The following PDE4B variants were observed in gnomAD, a reference collection of about 807,000 sequenced individuals.
PDE4B encodes the protein 3',5'-cyclic-AMP phosphodiesterase 4B.
In PDE4B, 20 loss-of-function variants were observed where a neutral mutation model predicts 82.2. The observed-to-expected ratio is 0.24, with a 90% CI of 0.17 to 0.35. The LOEUF (loss-of-function observed/expected upper bound fraction) is 0.35. Among genes scored for constraint, PDE4B ranks in the 10% least tolerant of loss-of-function variants. PDE4B has a pLI of 1.00. For missense variants in PDE4B, 655 were observed against 907.2 expected (o/e 0.72, Z 3.57); for synonymous variants, 320 against 318.9 (o/e 1.00, Z -0.04).
At chr1:65,863,259 T>C (rs977140129) in intron 1 of PDE4B, among the ~76,000 whole-genome samples, 1 of 152,256 alleles carries the variant, frequency 6.6e-6, no homozygotes, top group African/African-American at 2.4e-5. Context: ...TTTCATTATC[T>C]ACCCAGTTGT....
intron 3 of PDE4B, among the ~76,000 whole-genome samples, chr1:65,978,317 T>C (rs1324657606): frequency 6.6e-6 from 1 of 152,222 alleles, no homozygotes; most frequent in East Asian, 1.9e-4. Flanking sequence ...TATGAGACAC[T>C]GCTCCTGGGT....
At chr1:65,942,001 C>A (rs1352017969) in intron 3 of PDE4B, among the ~76,000 whole-genome samples, 10 of 152,098 alleles carry the variant, frequency 6.6e-5, no homozygotes. Flanking sequence ...ACCCAAAACA[C>A]TATTTTTCAA....
At chr1:65,861,421 AC>A (rs1264711703) in intron 1 of PDE4B, among the ~76,000 whole-genome samples, 2 of 152,142 alleles carry the variant, frequency 1.3e-5, no homozygotes, top group African/African-American at 4.8e-5. Context: ...CTGTTTTGGT[AC>A]CAGTACCATG....
rs1279112274 is a variant in PDE4B, at chr1:66,131,688, A to G, written c.282-115772A>G. Among the ~76,000 whole-genome samples the G allele has an allele frequency of 2.2e-5, 3 of 137,800 alleles. No homozygotes were observed. In the South Asian group the frequency reaches 7.2e-4, roughly 33 times the overall value. The allele number at this position is 137,800 out of a possible 152,430, so 90.4% of individuals were successfully genotyped here. On this transcript the variant is annotated intron_variant, in intron 3 of 16. Transcript: ENST00000341517. ...TTTAACATTTTGAACTCTTTTAGTA[A>G]TAACACATTAATTCAATCAACAATA...
intron 1 of PDE4B, among the ~76,000 whole-genome samples, chr1:65,873,426 G>C (rs1372238486): frequency 6.6e-6 from 1 of 152,150 alleles, no homozygotes; most frequent in East Asian, 1.9e-4. Flanking sequence ...GTATCAGAAT[G>C]ATCACCAGAA....
At chr1:65,842,339 G>A (rs535993305) in intron 1 of PDE4B, among the ~76,000 whole-genome samples, 1 of 152,214 alleles carries the variant, frequency 6.6e-6, no homozygotes, top group African/African-American at 2.4e-5. Flanking sequence ...ATATGAAAGA[G>A]TTGCATGGGA....
chr1:66,002,155 G>GT (rs1043299196), intron 3 of PDE4B, among the ~76,000 whole-genome samples: 8 of 151,984 alleles, frequency 5.3e-5, no homozygotes, highest in South Asian at 2.1e-4. Context: ...GTATTGTCAA[G>GT]TTTTTTTTAA....
At chr1:65,826,578 G>T (rs554211669) in intron 1 of PDE4B, among the ~76,000 whole-genome samples, 2 of 152,232 alleles carry the variant, frequency 1.3e-5, no homozygotes, top group African/African-American at 4.8e-5. Flanking sequence ...GCCACTCTGA[G>T]ATTGCCCACA....
chr1:65,822,285 C>T (rs1012827474), intron 1 of PDE4B, among the ~76,000 whole-genome samples: 4 of 152,140 alleles, frequency 2.6e-5, no homozygotes, highest in African/African-American at 4.8e-5. Flanking sequence ...TCTTCTCTCC[C>T]GTGAATGGAT....
chr1:66,209,382 G>T (rs1172757896), intron 3 of PDE4B, among the ~76,000 whole-genome samples: 1 of 152,084 alleles, frequency 6.6e-6, no homozygotes, highest in East Asian at 1.9e-4. Flanking sequence ...TTTTCCCAGG[G>T]TTACGTAGCT....
intron 1 of PDE4B, among the ~76,000 whole-genome samples, chr1:65,894,224 G>A (rs1646884400): frequency 6.6e-6 from 1 of 152,078 alleles, no homozygotes; most frequent in Admixed American, 6.6e-5. Context: ...CATAAGGATA[G>A]ACACTAAGAT....
At chr1:65,976,302 G>A (rs550709090) in intron 3 of PDE4B, among the ~76,000 whole-genome samples, 1 of 152,272 alleles carries the variant, frequency 6.6e-6, no homozygotes, top group East Asian at 1.9e-4. Context: ...AGCCCCTTTG[G>A]TTTGGCTGCT....
At chr1:66,117,297 G>A (rs985762067) in intron 3 of PDE4B, among the ~76,000 whole-genome samples, 1 of 151,740 alleles carries the variant, frequency 6.6e-6, no homozygotes, top group Non-Finnish European at 1.5e-5. Context: ...TTCTTAAATC[G>A]AATTCATGGG....
intron 3 of PDE4B, among the ~76,000 whole-genome samples, chr1:66,142,986 C>A (rs1646202744): frequency 6.6e-6 from 1 of 152,226 alleles, no homozygotes; most frequent in Admixed American, 6.5e-5. Flanking sequence ...CGCATCTGTG[C>A]TTCGCATCTG....
intron 3 of PDE4B, among the ~76,000 whole-genome samples, chr1:66,237,054 GA>G (rs1487986906): frequency 6.6e-6 from 1 of 152,084 alleles, no homozygotes; most frequent in Non-Finnish European, 1.5e-5. Flanking sequence ...ATACCTGTGA[GA>G]AAAAAATATA....
intron 3 of PDE4B, among the ~76,000 whole-genome samples, chr1:66,139,753 C>CA (rs1646134633): frequency 1.2e-5 from 1 of 80,334 alleles, no homozygotes; most frequent in Non-Finnish European, 2.5e-5. Context: ...AAAAAAAAAA[C>CA]AAAAAACAAC....
At chr1:66,221,229 C>T (rs1292279756) in intron 3 of PDE4B, among the ~76,000 whole-genome samples, 2 of 152,086 alleles carry the variant, frequency 1.3e-5, no homozygotes, top group African/African-American at 4.8e-5. Flanking sequence ...GAAATTCCAG[C>T]CATTTCTAGC....
intron 1 of PDE4B, among the ~76,000 whole-genome samples, chr1:65,843,361 A>G (rs1003722668): frequency 6.6e-6 from 1 of 152,086 alleles, no homozygotes; most frequent in Non-Finnish European, 1.5e-5. Context: ...GAGCCTGGAT[A>G]CTCCAATACC....
intron 1 of PDE4B, among the ~76,000 whole-genome samples, chr1:65,868,059 T>C (rs1168373634): frequency 6.6e-6 from 1 of 152,212 alleles, no homozygotes; most frequent in East Asian, 1.9e-4. Context: ...GTTCTTGCTA[T>C]CCTTTTCTTA....
Sources: allele counts gnomAD v4.1 joint callset (sites outside exome capture counted in the v4.1 genomes callset), GRCh38; gene constraint gnomAD v4.1.1; transcripts MANE v1.5; gene names NCBI Gene and HGNC (gene_info 2026-07-23, HGNC 2026-07-21).